The following BRIP1 variants were observed in gnomAD, a reference collection of about 807,000 sequenced individuals.
BRIP1 encodes BRCA1 interacting DNA helicase 1, also known as Fanconi anemia group J protein.
In BRIP1, 88 loss-of-function variants were observed where a neutral mutation model predicts 119.7. The observed-to-expected ratio is 0.74, with a 90% CI of 0.62 to 0.88. The LOEUF is 0.88. BRIP1 is among the 40% of genes least tolerant of loss of function. The pLI, the probability that BRIP1 is intolerant of heterozygous loss-of-function variation, is 0.00. For synonymous variants in BRIP1, 443 were observed against 496.5 expected (o/e 0.89, Z 1.43); for missense variants, 1,259 against 1,455.4 (o/e 0.87, Z 2.20).
chr17:61,734,384 A>C lies in BRIP1; in HGVS notation c.2379+8629T>G, dbSNP rs2076890325. Among the ~76,000 whole-genome samples the C allele has an allele frequency of 6.6e-6, 1 of 152,230 alleles. No individual in the cohort carries two copies. Among genetic ancestry groups the C allele is most frequent in the East Asian group, 1.9e-4 (1 of 5,204 alleles). On this transcript the variant is annotated intron_variant, in intron 16 of 19. Coordinates refer to ENST00000259008, the MANE Select transcript of BRIP1 (RefSeq NM_032043.3). This position sits in a 1 kb window ranked among gnomAD's most constrained non-coding sequence, Gnocchi z 5.2. The stretch of plus-strand genomic sequence containing the variant: ...CCTCAAATGCTTTGGTTTAGTGCAC[A>C]GAAAGTTTTCTTTTTAACTATTATA...
Position 61,860,336 on chromosome 17 carries a change from C to T in BRIP1, c.94-429G>A, listed in dbSNP as rs2078957034. ...AGCAAGTCCAGTTCTATGTGTACACCCAAAACCTTTCCCACATGAACACAA... is the reference window on the plus strand; with the variant it reads ...AGCAAGTCCAGTTCTATGTGTACACTCAAAACCTTTCCCACATGAACACAA... On this transcript the variant is annotated intron_variant, in intron 2 of 19. Transcript: ENST00000259008. The surrounding 1 kb of genome is among the most constrained non-coding windows in gnomAD (Gnocchi z 4.1). Among the ~76,000 whole-genome samples, 1 of 152,120 alleles carries T rather than the reference C, an allele frequency of 6.6e-6. No homozygotes were observed. The highest frequency in any genetic ancestry group is 2.4e-5 in the African/African-American group (1 of 41,406).
rs2078969679 is a variant in BRIP1 at position 61,861,366 on chromosome 17, A to C, written c.93+81T>G. 5 of 906,434 alleles carry C rather than the reference A, an allele frequency of 5.5e-6. No individual in the cohort carries two copies. Among genetic ancestry groups the C allele is most frequent in the Non-Finnish European group, 9.1e-6 (5 of 550,356 alleles). The allele number at this position is 906,434 out of a possible 1,614,324, so 56.1% of individuals were successfully genotyped here. On this transcript the variant is annotated intron_variant, in intron 2 of 19. Coordinates refer to ENST00000259008, the MANE Select transcript of BRIP1 (RefSeq NM_032043.3). The surrounding 1 kb of genome is among the most constrained non-coding windows in gnomAD (Gnocchi z 4.5). ...TATTCTCCATTTACTGAGAATATGA[A>C]TGCAGTCAAATACTCAATGTACTTT...
Position 61,846,038 on chromosome 17 carries a change from CAG to C in BRIP1, c.627+1061_627+1062del, listed in dbSNP as rs2078723296. On this transcript the variant is annotated intron_variant, in intron 6 of 19. Transcript: ENST00000259008. This position sits in a 1 kb window ranked among gnomAD's most constrained non-coding sequence, Gnocchi z 4.3. ...TCTACTAAAAATACAAAAAATTAGC[CAG>C]GCGTGGTGGCAGGCGCCTGTAGTCC... Among the ~76,000 whole-genome samples, 1 of 151,836 alleles carries C rather than the reference CAG, an allele frequency of 6.6e-6. No homozygotes were observed. The highest frequency in any genetic ancestry group is 1.5e-5 in the Non-Finnish European group (1 of 67,966).
chr17:61,691,769 A>G lies in BRIP1; in HGVS notation c.2575+1661T>C, dbSNP rs1381982810. 6.6e-6 allele frequency among the ~76,000 whole-genome samples: 1 copy of G among 152,138 alleles called. No homozygotes were observed. The highest frequency in any genetic ancestry group is 6.6e-5 in the Admixed American group (1 of 15,266). On this transcript the variant is annotated intron_variant, in intron 18 of 19. Coordinates refer to ENST00000259008, the MANE Select transcript of BRIP1 (RefSeq NM_032043.3). This position sits in a 1 kb window ranked among gnomAD's most constrained non-coding sequence, Gnocchi z 5.0. The stretch of plus-strand genomic sequence containing the variant: ...ATGCCCGGCTGCAATCTAAATTCAT[A>G]TGGAACCACAAAGGACCACAAATAG...
chr17:61,765,458 CAG>C (rs2077359680), intron 14 of BRIP1, among the ~76,000 whole-genome samples: 1 of 34,606 alleles, frequency 2.9e-5, no homozygotes, highest in Admixed American at 4.3e-4. Flanking sequence ...TTTTTTGAGA[CAG>C]AGTTTCACTC....
Position 61,710,530 on chromosome 17 carries a change from G to A in BRIP1, c.2492+5421C>T, listed in dbSNP as rs1344885538. On this transcript the variant is annotated intron_variant, in intron 17 of 19. Transcript: ENST00000259008. The surrounding 1 kb of genome is among the most constrained non-coding windows in gnomAD (Gnocchi z 5.4). ...TCATAAAGGACATGACTTTCAATGAGGTTTTGATTGCTAAATTTGCCAAAC... is the reference window on the plus strand; with the variant it reads ...TCATAAAGGACATGACTTTCAATGAAGTTTTGATTGCTAAATTTGCCAAAC... 2.0e-5 allele frequency among the ~76,000 whole-genome samples: 3 copies of A among 152,100 alleles called. No individual in the cohort carries two copies. The East Asian group carries it at 5.8e-4, about 29-fold the overall frequency.
In BRIP1 at chr17:61,743,993, C is replaced by A. The variant is rs1204942139; in HGVS notation, c.2257+439G>T. Among the ~76,000 whole-genome samples the A allele has an allele frequency of 6.6e-6, 1 of 152,160 alleles. No individual in the cohort carries two copies. The highest frequency in any genetic ancestry group is 1.5e-5 in the Non-Finnish European group (1 of 68,018). ...AGAGCCACCACGCCCGGCCTCACATCAAACTCTTCATGGATATGCTCTAAC... is the reference window on the plus strand; with the variant it reads ...AGAGCCACCACGCCCGGCCTCACATAAAACTCTTCATGGATATGCTCTAAC... On this transcript the variant is annotated intron_variant, in intron 15 of 19. Coordinates refer to ENST00000259008, the MANE Select transcript of BRIP1 (RefSeq NM_032043.3). This position sits in a 1 kb window ranked among gnomAD's most constrained non-coding sequence, Gnocchi z 4.3.
intron 6 of BRIP1, among the ~76,000 whole-genome samples, chr17:61,830,647 T>G (rs1209570987): frequency 3.9e-5 from 6 of 152,210 alleles, no homozygotes; most frequent in African/African-American, 1.4e-4. Context: ...ACTCCTATAC[T>G]CATTTTTAAA....
intron 6 of BRIP1, among the ~76,000 whole-genome samples, chr17:61,838,436 C>G (rs1412231447): frequency 6.6e-6 from 1 of 151,792 alleles, no homozygotes; most frequent in East Asian, 1.9e-4. Flanking sequence ...GTCCCAGCTA[C>G]TTGGGAGGCT....
In BRIP1 at chr17:61,822,452, C is replaced by T. The variant is rs1487461780; in HGVS notation, c.628-13695G>A. ...TCGTACTAATAGATCCAGTTATGTG[C>T]CCTCTGGGAAAAATGCACCAAAAAG... On this transcript the variant is annotated intron_variant, in intron 6 of 19. Coordinates refer to ENST00000259008, the MANE Select transcript of BRIP1 (RefSeq NM_032043.3). The surrounding 1 kb of genome is among the most constrained non-coding windows in gnomAD (Gnocchi z 4.4). 6.6e-6 allele frequency among the ~76,000 whole-genome samples: 1 copy of T among 152,062 alleles called. No homozygotes were observed. The highest frequency in any genetic ancestry group is 1.5e-5 in the Non-Finnish European group (1 of 68,024).
At chr17:61,727,660 G>C (rs1377531605) in intron 16 of BRIP1, among the ~76,000 whole-genome samples, 1 of 151,984 alleles carries the variant, frequency 6.6e-6, no homozygotes, top group African/African-American at 2.4e-5. Flanking sequence ...CTACTTAGGA[G>C]GCTAAGGCAG....
At chr17:61,721,776 C>T (rs765914906) in intron 16 of BRIP1, among the ~76,000 whole-genome samples, 1 of 142,262 alleles carries the variant, frequency 7.0e-6, no homozygotes, top group South Asian at 2.2e-4. Flanking sequence ...CAGCTCACTG[C>T]AACCTCCACC....
intron 18 of BRIP1, among the ~76,000 whole-genome samples, chr17:61,692,676 A>C (rs1412998635): frequency 6.6e-6 from 1 of 152,182 alleles, no homozygotes; most frequent in East Asian, 1.9e-4. Context: ...TATACCTGCT[A>C]GGAGAGCCAT....
In BRIP1 at chr17:61,803,456, A is replaced by G. The variant is rs1389982433; in HGVS notation, c.919-1982T>C. ...AGTGGCTCATGCCTATAATCCCAAC[A>G]TTTTGAGAGGCCAAGGCCGGAGGAC... On this transcript the variant is annotated intron_variant, in intron 7 of 19. Coordinates refer to ENST00000259008, the MANE Select transcript of BRIP1 (RefSeq NM_032043.3). This position sits in a 1 kb window ranked among gnomAD's most constrained non-coding sequence, Gnocchi z 4.3. Among the ~76,000 whole-genome samples the G allele has an allele frequency of 1.3e-5, 2 of 152,128 alleles. No homozygotes were observed. The highest frequency in any genetic ancestry group is 4.8e-5 in the African/African-American group (2 of 41,438).
rs568422042 is a variant in BRIP1, at chr17:61,717,269, T to A, written c.2380-1206A>T. The stretch of plus-strand genomic sequence containing the variant: ...ATGTATTTTATTCAGATTTCTGTTT[T>A]GTCCCAAAAGATTATCTTTTAAAAT... On this transcript the variant is annotated intron_variant, in intron 16 of 19. Coordinates refer to ENST00000259008, the MANE Select transcript of BRIP1 (RefSeq NM_032043.3). The surrounding 1 kb of genome is among the most constrained non-coding windows in gnomAD (Gnocchi z 4.1). 7.5e-4 allele frequency among the ~76,000 whole-genome samples: 114 copies of A among 152,210 alleles called. 1 individual carries two copies. Among genetic ancestry groups the A allele is most frequent in the Non-Finnish European group, 1.3e-3 (90 of 67,952 alleles).
At chr17:61,800,637 GCA>G (rs1387653402) in intron 8 of BRIP1, among the ~76,000 whole-genome samples, 4 of 152,218 alleles carry the variant, frequency 2.6e-5, no homozygotes, top group Admixed American at 1.3e-4. Context: ...GCATTGATAT[GCA>G]CAGTGTCTCA....
rs1422874430 is a variant in BRIP1 at position 61,761,007 on chromosome 17, CA to C, written c.2097+15393del. ...TAAATAGAAAAGCAAAAATCCTCAACAAAATACTAGCAAACCAAATTCAACA... is the reference window on the plus strand; with the variant it reads ...TAAATAGAAAAGCAAAAATCCTCAACAAATACTAGCAAACCAAATTCAACA... On this transcript the variant is annotated intron_variant, in intron 14 of 19. Coordinates refer to ENST00000259008, the MANE Select transcript of BRIP1 (RefSeq NM_032043.3). The surrounding 1 kb of genome is among the most constrained non-coding windows in gnomAD (Gnocchi z 6.4). 6.6e-6 allele frequency among the ~76,000 whole-genome samples: 1 copy of C among 151,906 alleles called. No individual in the cohort carries two copies. The highest frequency in any genetic ancestry group is 2.4e-5 in the African/African-American group (1 of 41,416).
intron 16 of BRIP1, among the ~76,000 whole-genome samples, chr17:61,741,258 C>T (rs1367143368): frequency 6.6e-6 from 1 of 152,202 alleles, no homozygotes; most frequent in Non-Finnish European, 1.5e-5. Context: ...ATTTAGTTCT[C>T]TTATTATTTC....
At chr17:61,714,800 A>C (rs1308688013) in intron 17 of BRIP1, among the ~76,000 whole-genome samples, 1 of 129,052 alleles carries the variant, frequency 7.7e-6, no homozygotes, top group Admixed American at 7.7e-5. Context: ...TGATTTGCTA[A>C]TTTTTTTTTT....
Sources: gnomAD v4.1 joint callset for allele counts (sites outside exome capture counted in the v4.1 genomes callset) on GRCh38, gnomAD v4.1.1 for gene constraint, Gnocchi (gnomAD v3.1) non-coding constraint, MANE v1.5 for transcripts, NCBI Gene and HGNC (gene_info 2026-07-23, HGNC 2026-07-21) for gene names.